The following ITSN2 variants were observed in gnomAD, a reference collection of about 807,000 sequenced individuals.
The protein encoded by ITSN2 is intersectin-2.
Under a neutral mutation model 243.7 loss-of-function variants are expected in ITSN2, and 156 were observed. The observed-to-expected ratio is 0.64, with a 90% CI of 0.56 to 0.73. The LOEUF is 0.73. ITSN2 is among the 30% of genes least tolerant of loss of function. ITSN2 has a pLI of 0.00. For missense variants in ITSN2, 1,801 were observed against 1,996.1 expected, an observed-to-expected ratio of 0.90 and a Z score of 1.86; for synonymous variants, 703 against 699.9, an observed-to-expected ratio of 1.00 and a Z score of -0.07.
intron 15 of ITSN2, among the ~76,000 whole-genome samples, chr2:24,291,731 G>A (rs1342723177): frequency 4.6e-5 from 7 of 152,088 alleles, no homozygotes; most frequent in Non-Finnish European, 1.0e-4. Context: ...CTCGTGATCC[G>A]CCTGCCTTGG....
intron 29 of ITSN2, among the ~76,000 whole-genome samples, chr2:24,236,128 C>T (rs1232351220): frequency 6.9e-6 from 1 of 145,728 alleles, no homozygotes; most frequent in African/African-American, 2.5e-5. Context: ...ATGAACAAAA[C>T]GTGGCATATC....
chr2:24,223,967 T>C (rs1314483818), intron 29 of ITSN2, among the ~76,000 whole-genome samples: 2 of 152,142 alleles, frequency 1.3e-5, no homozygotes, highest in African/African-American at 4.8e-5. Context: ...AGATAGTATT[T>C]TATTATCTTC....
chr2:24,330,706 T>C, intron 1 of ITSN2: 2 of 668,240 alleles, frequency 3.0e-6, no homozygotes, highest in South Asian at 1.4e-5. Flanking sequence ...TGTGTACTTC[T>C]GGTGACAGTA....
intron 1 of ITSN2, among the ~76,000 whole-genome samples, chr2:24,345,979 C>T (rs762093781): frequency 4.7e-4 from 72 of 152,086 alleles, no homozygotes; most frequent in Non-Finnish European, 8.5e-4. Context: ...ATTTGATCTA[C>T]GTGGATTTTA....
At position 24,216,055 on chromosome 2, in the gene ITSN2, AAATTCTTTG is replaced by A. The variant is rs1573881962; in HGVS notation, c.3975_3983del (p.Lys1326_Phe1328del). 1 of 1,593,272 alleles carries A rather than the reference AAATTCTTTG, an allele frequency of 6.3e-7. No individual in the cohort carries two copies. The highest frequency in any genetic ancestry group is 8.6e-7 in the Non-Finnish European group (1 of 1,168,974). On this transcript the variant is annotated inframe_deletion, in exon 32 of 40. Transcript: ENST00000355123. ...AGGCCCAGAATGGAATTACCTTTAA[AAATTCTTTG>A]AAATCTGTGTCTTCATCTGTCTTCT... is the stretch of plus-strand genomic sequence containing the variant.
chr2:24,312,126 C>T (rs1356264828), intron 5 of ITSN2, 86 bp downstream of exon 5: 4 of 1,112,754 alleles, frequency 3.6e-6, no homozygotes, highest in African/African-American at 1.6e-5. Context: ...TCATTTTGTG[C>T]TAACAAATCC....
intron 2 of ITSN2, among the ~76,000 whole-genome samples, chr2:24,318,346 A>G (rs1684167358): frequency 6.6e-6 from 1 of 152,054 alleles, no homozygotes; most frequent in African/African-American, 2.4e-5. Context: ...GGGTCTCACT[A>G]TGCTGCCAAG....
upstream of ITSN2, among the ~76,000 whole-genome samples, chr2:24,361,258 C>G (rs1401046800): frequency 6.6e-6 from 1 of 152,174 alleles, no homozygotes; most frequent in Non-Finnish European, 1.5e-5. Context: ...ACAGGCGAAG[C>G]TCCTACTCAG....
chr2:24,220,650 G>A, intron 30 of ITSN2: 1 of 1,245,342 alleles, frequency 8.0e-7, no homozygotes, highest in Non-Finnish European at 1.0e-6. Flanking sequence ...TTCCTTGATG[G>A]GGCTCCTGCC....
chr2:24,344,624 T>C (rs1687350535), intron 1 of ITSN2, among the ~76,000 whole-genome samples: 1 of 152,202 alleles, frequency 6.6e-6, no homozygotes, highest in African/African-American at 2.4e-5. Flanking sequence ...AACTACATAA[T>C]GTAATTTTAA....
At chr2:24,286,437 T>C in intron 15 of ITSN2, 86 bp from the exon 16 acceptor site, 1 of 1,129,604 alleles carries the variant, frequency 8.9e-7, no homozygotes, top group Admixed American at 1.8e-5. Flanking sequence ...GTCAGATTGA[T>C]GTAACTAGAC....
At chr2:24,291,489 CTTTTTTT>C (rs143144650) in intron 15 of ITSN2, among the ~76,000 whole-genome samples, 1 of 97,752 alleles carries the variant, frequency 1.0e-5, no homozygotes, top group Non-Finnish European at 2.1e-5. Context: ...CTTCTTCTTC[CTTTTTTT>C]TTTTTTTTTT....
intron 2 of ITSN2, among the ~76,000 whole-genome samples, chr2:24,326,372 A>G (rs923903907): frequency 6.6e-6 from 1 of 152,194 alleles, no homozygotes; most frequent in Admixed American, 6.5e-5. Context: ...GGAATGGAAG[A>G]AGCAGAATAA....
At position 24,326,158 on chromosome 2, in the gene ITSN2, A is replaced by T. The variant is rs1223493012; in HGVS notation, c.31+1894T>A. On this transcript the variant is annotated intron_variant, in intron 2 of 39. Transcript: ENST00000355123. ...TCAATCTTCTAAGTAGGAAGGTACCACAGTCTACATATGCAATTAATTCTT... is the reference window on the plus strand; with the variant it reads ...TCAATCTTCTAAGTAGGAAGGTACCTCAGTCTACATATGCAATTAATTCTT... 2.0e-5 allele frequency among the ~76,000 whole-genome samples: 3 copies of T among 152,344 alleles called. No homozygotes were observed. The South Asian group carries it at 6.2e-4, about 32-fold the overall frequency.
chr2:24,308,478 A>C (rs1682826624), intron 8 of ITSN2, 139 bp downstream of exon 8: 1 of 487,788 alleles, frequency 2.1e-6, no homozygotes, highest in African/African-American at 2.0e-5. Flanking sequence ...AGGTATTTGT[A>C]TTTATCAAAT....
intron 8 of ITSN2, among the ~76,000 whole-genome samples, chr2:24,304,376 C>G (rs1417165090): frequency 2.0e-5 from 3 of 152,220 alleles, no homozygotes; most frequent in African/African-American, 7.2e-5. Flanking sequence ...CCAAATGCAG[C>G]TAGATTTATT....
intron 24 of ITSN2, 32 bp from the exon 25 acceptor site, chr2:24,252,543 CT>C (rs1558493049): frequency 6.5e-7 from 1 of 1,531,676 alleles, no homozygotes. Context: ...GAAGTAGATT[CT>C]GGTTTTAAGA....
At chr2:24,215,222 T>C (rs894244938) in intron 32 of ITSN2, among the ~76,000 whole-genome samples, 1 of 152,246 alleles carries the variant, frequency 6.6e-6, no homozygotes, top group Admixed American at 6.5e-5. Context: ...CTGTGCACAC[T>C]TCTGGTATAT....
chr2:24,241,699 T>C (rs1216579343), intron 29 of ITSN2: 1 of 152,634 alleles, frequency 6.6e-6, no homozygotes, highest in Non-Finnish European at 1.5e-5. Flanking sequence ...AAACCACATA[T>C]TGAGCTAATT....
Sources: gnomAD v4.1 joint callset for allele counts (sites outside exome capture counted in the v4.1 genomes callset) on GRCh38, gnomAD v4.1.1 for gene constraint, MANE v1.5 for transcripts, NCBI Gene and HGNC (gene_info 2026-07-23, HGNC 2026-07-21) for gene names.